AEBP1: variants seen among roughly 807,000 people sequenced by gnomAD.
The protein encoded by AEBP1 is adipocyte enhancer-binding protein 1.
AEBP1 carries 69 observed loss-of-function variants against 116.5 expected under a neutral mutation model. The observed-to-expected ratio is 0.59, with a 90% CI of 0.49 to 0.72. AEBP1 has a LOEUF of 0.72. Among genes scored for constraint, AEBP1 ranks in the 30% least tolerant of loss-of-function variants. The pLI is 0.00. For missense variants in AEBP1, 1,444 were observed against 1,557.5 expected (o/e 0.93, Z 1.23); for synonymous variants, 627 against 627.3 (o/e 1.00, Z 0.01).
At chr7:44,105,369 G>A (rs540119359) in intron 1 of AEBP1, among the ~76,000 whole-genome samples, 1 of 152,228 alleles carries the variant, frequency 6.6e-6, no homozygotes, top group South Asian at 2.1e-4. Flanking sequence ...TCAGGTGGTG[G>A]TGAGCACAGG....
intron 11 of AEBP1, 56 bp from the exon 12 acceptor site, chr7:44,110,669 C>T: frequency 6.9e-7 from 1 of 1,448,740 alleles, no homozygotes; most frequent in Non-Finnish European, 9.3e-7. Flanking sequence ...AGGCTCAGGC[C>T]ACCTGAGGGC....
In AEBP1 at chr7:44,106,857, C is replaced by T. The variant is rs2128808089; in HGVS notation, c.565C>T (p.Pro189Ser). 6.3e-7 allele frequency: 1 copy of T among 1,595,896 alleles called. No individual in the cohort carries two copies. The highest frequency in any genetic ancestry group is 1.7e-4 in the Middle Eastern group (1 of 5,822). The change falls in exon 2 of 21, where the codon CCT (proline) becomes TCT (serine). Residue 189 changes from proline (P) to serine (S), a missense_variant. Pro to Ser is a moderately conservative substitution (Grantham distance 74). Coordinates refer to ENST00000223357, the MANE Select transcript of AEBP1 (RefSeq NM_001129.5). ...LEWPLPPPPSPGPEELPQEGG... is the reference protein window; with the variant it reads ...LEWPLPPPPSSGPEELPQEGG... ...GTGGCCACTGCCCCCACCCCCCAGC[C>T]CTGGCCCCGAGGAGCTACCCCAGGA...
chr7:44,109,097 C>T lies in AEBP1; in HGVS notation c.1019-10C>T, dbSNP rs117188338. ...AGGCTGACTGGCCCCTCCTACCTTG[C>T]ACCTTCCAGAGAAACCCAAAAAGGA... is the stretch of plus-strand genomic sequence containing the variant. On this transcript the variant is annotated splice_polypyrimidine_tract_variant and intron_variant, in intron 7 of 20. Coordinates refer to ENST00000223357, the MANE Select transcript of AEBP1 (RefSeq NM_001129.5). The T allele has an allele frequency of 0.013, 20,623 of 1,613,466 alleles. 228 individuals are homozygous for T. The highest frequency in any genetic ancestry group is 0.015 in the Non-Finnish European group (17,248 of 1,179,962).
At position 44,107,867 on chromosome 7, in the gene AEBP1, C is replaced by G. The variant is rs368747482; in HGVS notation, c.798C>G (p.Pro266=). 6 of 1,607,672 alleles carry G rather than the reference C, an allele frequency of 3.7e-6. No homozygotes were observed. Among genetic ancestry groups the G allele is most frequent in the Admixed American group, 1.7e-5 (1 of 59,688 alleles). Residue 266 remains proline, a synonymous_variant, in exon 5 of 21, where the codon CCC becomes CCG. Transcript: ENST00000223357. The surrounding 1 kb of genome is among the most constrained non-coding windows in gnomAD (Gnocchi z 4.3). ...CACCCCCAAGCAGAAGGAGGAGGCCCGAGCGGGTCTGGCCAGAGCCCCCTG... is the reference window on the plus strand; with the variant it reads ...CACCCCCAAGCAGAAGGAGGAGGCCGGAGCGGGTCTGGCCAGAGCCCCCTG... The part of the protein sequence containing the change: ...PRPPPSRRRR[P]ERVWPEPPEE...
In AEBP1 at chr7:44,113,902, G is replaced by A. The variant is rs771161753; in HGVS notation, c.3118G>A (p.Ala1040Thr). 1.6e-4 allele frequency: 260 copies of A among 1,613,108 alleles called. No individual in the cohort carries two copies. Among genetic ancestry groups the A allele is most frequent in the Non-Finnish European group, 2.1e-4 (242 of 1,179,984 alleles). The change falls in exon 21 of 21, where the codon GCC becomes ACC. Residue 1040 changes from alanine to threonine, a missense_variant. Ala to Thr is a moderately conservative substitution (Grantham distance 58). Coordinates refer to ENST00000223357, the MANE Select transcript of AEBP1 (RefSeq NM_001129.5). This position sits in a 1 kb window ranked among gnomAD's most constrained non-coding sequence, Gnocchi z 5.3. ...ACAGATGCGGCTGCGGCGCCTCAAC[G>A]CCACCACCACCCTAGGCCCCCACAC... is the stretch of plus-strand genomic sequence containing the variant. ...RAQMRLRRLNATTTLGPHTVP... is the reference protein window; with the variant it reads ...RAQMRLRRLNTTTTLGPHTVP...
At position 44,108,725 on chromosome 7, in the gene AEBP1, C is replaced by G. The variant is rs2096225621; in HGVS notation, c.941-174C>G. 6.6e-6 allele frequency among the ~76,000 whole-genome samples: 1 copy of G among 152,138 alleles called. No individual in the cohort carries two copies. Among genetic ancestry groups the G allele is most frequent in the Admixed American group, 6.5e-5 (1 of 15,278 alleles). On this transcript the variant is annotated intron_variant, in intron 6 of 20. Transcript: ENST00000223357. This position sits in a 1 kb window ranked among gnomAD's most constrained non-coding sequence, Gnocchi z 5.0. ...TTCAGCAGGGTCTTGCTCAGCTGCC[C>G]CTGAGCTCGGGCTGCTCCTGACTCC...
rs866723930 is a variant in AEBP1, at chr7:44,108,854, C to T, written c.941-45C>T. 2.7e-5 allele frequency: 41 copies of T among 1,531,036 alleles called. No homozygotes were observed. In the Middle Eastern group the frequency reaches 2.0e-3, roughly 75 times the overall value. The allele number at this position is 1,531,036 out of a possible 1,614,324, so 94.8% of individuals were successfully genotyped here. ...CCTGTGGACCCAGGAGCTGAGGCCC[C>T]GCAGCAGGGTCAGGGCAGCCTCAGC... On this transcript the variant is annotated intron_variant, in intron 6 of 20. Coordinates refer to ENST00000223357, the MANE Select transcript of AEBP1 (RefSeq NM_001129.5). This position sits in a 1 kb window ranked among gnomAD's most constrained non-coding sequence, Gnocchi z 5.0.
rs1437630899 is a variant in AEBP1, at chr7:44,108,658, C to T, written c.941-241C>T. Among the ~76,000 whole-genome samples, 1 of 152,172 alleles carries T rather than the reference C, an allele frequency of 6.6e-6. No homozygotes were observed. The highest frequency in any genetic ancestry group is 1.5e-5 in the Non-Finnish European group (1 of 68,030). On this transcript the variant is annotated intron_variant, in intron 6 of 20. Transcript: ENST00000223357. This position sits in a 1 kb window ranked among gnomAD's most constrained non-coding sequence, Gnocchi z 5.0. The stretch of plus-strand genomic sequence containing the variant: ...TTTCCCATGCCCTGGGCCTCGAGTC[C>T]TTTCCCCAGGCCAGATGCTCCTGGA...
At position 44,108,397 on chromosome 7, in the gene AEBP1, G is replaced by A. The variant is rs547685017; in HGVS notation, c.940+313G>A. On this transcript the variant is annotated intron_variant, in intron 6 of 20. Coordinates refer to ENST00000223357, the MANE Select transcript of AEBP1 (RefSeq NM_001129.5). This position sits in a 1 kb window ranked among gnomAD's most constrained non-coding sequence, Gnocchi z 5.0. ...CCCTCCCAGTCCTGTGCTCTAACTG[G>A]CTTCCCGCTGGCTCGTGGCCACTGC... Among the ~76,000 whole-genome samples, 3 of 152,152 alleles carry A rather than the reference G, an allele frequency of 2.0e-5. No homozygotes were observed. The South Asian group carries it at 6.2e-4, about 32-fold the overall frequency.
At position 44,111,747 on chromosome 7, in the gene AEBP1, G is replaced by A; in HGVS notation, c.1841-107G>A. The A allele has an allele frequency of 2.6e-6, 4 of 1,536,616 alleles. No individual in the cohort carries two copies. The highest frequency in any genetic ancestry group is 3.5e-6 in the Non-Finnish European group (4 of 1,137,358). On this transcript the variant is annotated intron_variant, in intron 15 of 20. Coordinates refer to ENST00000223357, the MANE Select transcript of AEBP1 (RefSeq NM_001129.5). This position sits in a 1 kb window ranked among gnomAD's most constrained non-coding sequence, Gnocchi z 4.7. ...TGGCTTGTCTTACAGGGCCCTAGGA[G>A]CCCCAGCTGTCCCCCAGACCCTCGG...
Position 44,113,919 on chromosome 7 carries a change from C to T in AEBP1, c.3135C>T (p.Gly1045=), listed in dbSNP as rs776082534. 3 of 1,613,566 alleles carry T rather than the reference C, an allele frequency of 1.9e-6. No homozygotes were observed. Among genetic ancestry groups the T allele is most frequent in the Middle Eastern group, 3.3e-4 (2 of 6,062 alleles). Residue 1045 remains glycine, a synonymous_variant, in exon 21 of 21, where the codon GGC becomes GGT. Transcript: ENST00000223357. The surrounding 1 kb of genome is among the most constrained non-coding windows in gnomAD (Gnocchi z 5.3). ...GCCTCAACGCCACCACCACCCTAGG[C>T]CCCCACACTGTGCCTCCCACGCTGC... ...LRRLNATTTL[G]PHTVPPTLPP...
Position 44,106,849 on chromosome 7 carries a change from C to A in AEBP1, c.557C>A (p.Pro186His), listed in dbSNP as rs551362478. 128 of 1,600,160 alleles carry A rather than the reference C, an allele frequency of 8.0e-5. No individual in the cohort carries two copies. The African/African-American group carries it at 1.5e-3, about 19-fold the overall frequency. Residue 186 changes from proline to histidine, a missense_variant, in exon 2 of 21, where the codon CCC (proline) becomes CAC (histidine). Physicochemically the swap from Pro to His is moderately conservative, Grantham distance 77. Transcript: ENST00000223357. ...ACCCTGGAGTGGCCACTGCCCCCAC[C>A]CCCCAGCCCTGGCCCCGAGGAGCTA... ...SETLEWPLPP[P>H]PSPGPEELPQ...
At position 44,106,863 on chromosome 7, in the gene AEBP1, C is replaced by A; in HGVS notation, c.571C>A (p.Pro191Thr). The change falls in exon 2 of 21, where the codon CCC (proline) becomes ACC (threonine). Residue 191 changes from proline (P) to threonine (T), a missense_variant. Coordinates refer to ENST00000223357, the MANE Select transcript of AEBP1 (RefSeq NM_001129.5). ...ACTGCCCCCACCCCCCAGCCCTGGC[C>A]CCGAGGAGCTACCCCAGGAGGGAGG... ...WPLPPPPSPG[P>T]EELPQEGGAP... is the part of the protein sequence containing the mutation. The A allele has an allele frequency of 6.3e-7, 1 of 1,591,212 alleles. No individual in the cohort carries two copies. The highest frequency in any genetic ancestry group is 1.8e-5 in the Admixed American group (1 of 55,716).
Position 44,113,596 on chromosome 7 carries a change from AGTG to A in AEBP1, c.2819_2821del (p.Gly940del), listed in dbSNP as rs1340926810. The A allele has an allele frequency of 1.2e-6, 2 of 1,609,542 alleles. No homozygotes were observed. Among genetic ancestry groups the A allele is most frequent in the East Asian group, 2.2e-5 (1 of 44,824 alleles). Reference sequence around the variant, plus strand: ...GCCGGATCGTTCTCCCTCCGCAGCCAGTGGTGGTGATTACTGGCGAATCTTGAA... The same window carrying A: ...GCCGGATCGTTCTCCCTCCGCAGCCAGTGGTGATTACTGGCGAATCTTGAA... On this transcript the variant is annotated inframe_deletion, in exon 21 of 21. Transcript: ENST00000223357. This position sits in a 1 kb window ranked among gnomAD's most constrained non-coding sequence, Gnocchi z 5.3.
At position 44,111,297 on chromosome 7, in the gene AEBP1, T is replaced by G. The variant is rs557524854; in HGVS notation, c.1716+58T>G. 1.2e-5 allele frequency: 17 copies of G among 1,463,598 alleles called. No individual in the cohort carries two copies. In the East Asian group the frequency reaches 3.6e-4, roughly 31 times the overall value. The allele number at this position is 1,463,598 out of a possible 1,614,324, so 90.7% of individuals were successfully genotyped here. On this transcript the variant is annotated intron_variant, in intron 14 of 20. Coordinates refer to ENST00000223357, the MANE Select transcript of AEBP1 (RefSeq NM_001129.5). This position sits in a 1 kb window ranked among gnomAD's most constrained non-coding sequence, Gnocchi z 4.7. ...GACCTGTCTGTGGCTGACGGGAGTG[T>G]GTGCCTGGTGCTTCTGTCACTGGGC... is the stretch of plus-strand genomic sequence containing the variant.
chr7:44,109,428 C>A, intron 9 of AEBP1, 87 bp downstream of exon 9: 2 of 1,373,130 alleles, frequency 1.5e-6, no homozygotes, highest in Admixed American at 2.7e-5. Context: ...ACAAACAGGA[C>A]CCAGGTCCCC....
In AEBP1 at chr7:44,107,195, C is replaced by T. The variant is rs562177305; in HGVS notation, c.596-244C>T. Among the ~76,000 whole-genome samples the T allele has an allele frequency of 2.4e-4, 37 of 152,314 alleles. No individual in the cohort carries two copies. In the East Asian group the frequency reaches 6.0e-3, roughly 25 times the overall value. On this transcript the variant is annotated intron_variant, in intron 2 of 20. Transcript: ENST00000223357. The surrounding 1 kb of genome is among the most constrained non-coding windows in gnomAD (Gnocchi z 4.3). ...TCCTGCCTTCTCCCGCTGGGGACAG[C>T]TTTGTGGTAGGGCCTCCAGCAGCAC...
At position 44,108,807 on chromosome 7, in the gene AEBP1, C is replaced by T. The variant is rs1262936747; in HGVS notation, c.941-92C>T. 8 of 1,179,486 alleles carry T rather than the reference C, an allele frequency of 6.8e-6. No homozygotes were observed. The highest frequency in any genetic ancestry group is 4.1e-5 in the South Asian group (3 of 73,876). 73.1% of individuals were successfully genotyped at this position (1,179,486 alleles called of 1,614,324 possible). On this transcript the variant is annotated intron_variant, in intron 6 of 20. Coordinates refer to ENST00000223357, the MANE Select transcript of AEBP1 (RefSeq NM_001129.5). This position sits in a 1 kb window ranked among gnomAD's most constrained non-coding sequence, Gnocchi z 5.0. ...CATCTCCCGTCCTCCTCCCCTCTGG[C>T]GCGGTCCTGTCCTGCTGAGCTCCTG... is the stretch of plus-strand genomic sequence containing the variant.
chr7:44,105,659 CCT>C (rs2096222226), intron 1 of AEBP1, among the ~76,000 whole-genome samples: 1 of 152,124 alleles, frequency 6.6e-6, no homozygotes, highest in Non-Finnish European at 1.5e-5. Flanking sequence ...CCCTGGGCTG[CCT>C]GTGCCCCTCC....
Sources: gnomAD v4.1 joint callset for allele counts (sites outside exome capture counted in the v4.1 genomes callset) on GRCh38, gnomAD v4.1.1 for gene constraint, Gnocchi (gnomAD v3.1) non-coding constraint, MANE v1.5 for transcripts, NCBI Gene and HGNC (gene_info 2026-07-23, HGNC 2026-07-21) for gene names.